NMRK1: variants seen among roughly 807,000 people sequenced by gnomAD.
NMRK1 encodes NRK 1.
Under a neutral mutation model 29.9 loss-of-function variants are expected in NMRK1, and 28 were observed. That is an observed-to-expected ratio of 0.94 (90% CI 0.69 to 1.28). The LOEUF is 1.28. Ranked by LOEUF, NMRK1 falls within the 50% of genes most tolerant of loss-of-function variation. The pLI, the probability that NMRK1 is intolerant of heterozygous loss-of-function variation, is 0.00. For missense variants in NMRK1, 218 were observed against 233.1 expected (o/e 0.94, Z 0.42); for synonymous variants, 58 against 73.0 (o/e 0.79, Z 1.05).
intron 2 of NMRK1, among the ~76,000 whole-genome samples, chr9:75,080,471 GTGAAACCCCACC>G (rs1378999591): frequency 6.6e-6 from 1 of 152,154 alleles, no homozygotes; most frequent in East Asian, 1.9e-4. Flanking sequence ...GGTCAACATG[GTGAAACCCCACC>G]TCTATTAAAA....
At chr9:75,079,586 G>A (rs1192779542) in intron 2 of NMRK1, among the ~76,000 whole-genome samples, 1 of 152,186 alleles carries the variant, frequency 6.6e-6, no homozygotes, top group Non-Finnish European at 1.5e-5. Context: ...AGATCGGCTA[G>A]AAGACAGTCT....
At position 75,077,658 on chromosome 9, in the gene NMRK1, C is replaced by T. The variant is rs1013447526; in HGVS notation, c.30-78G>A. The T allele has an allele frequency of 7.0e-6, 7 of 1,002,706 alleles. No homozygotes were observed. The African/African-American group carries it at 1.1e-4, about 16-fold the overall frequency. 62.1% of individuals were successfully genotyped at this position (1,002,706 alleles called of 1,614,324 possible). A position where few individuals can be genotyped will look rare whatever the true frequency, so the allele number is the denominator to read the frequency against. ...TAAACACTTTTTTTTTTTTGAGAGA[C>T]AGGGTCTCGCTGTGTCACCAAGGCT... On this transcript the variant is annotated intron_variant, in intron 2 of 8. Transcript: ENST00000361092.
At chr9:75,074,872 A>C (rs2118141347) in intron 4 of NMRK1, among the ~76,000 whole-genome samples, 1 of 152,316 alleles carries the variant, frequency 6.6e-6, no homozygotes, top group East Asian at 1.9e-4. Flanking sequence ...AAAATGTTCA[A>C]GTTTTTCCTT....
Position 75,069,892 on chromosome 9 carries a change from TACTTATAATTAAAA to T in NMRK1, c.306_317+2del. The T allele has an allele frequency of 1.2e-6, 2 of 1,613,064 alleles. No homozygotes were observed. The highest frequency in any genetic ancestry group is 2.2e-5 in the South Asian group (2 of 90,754). The stretch of plus-strand genomic sequence containing the variant: ...GAGACAATATTAGGGTGGAGATGCT[TACTTATAATTAAAA>T]AGAAGAAAACCTTCGATGATTAAAA... On this transcript the variant is annotated splice_donor_variant and coding_sequence_variant, in exon 5 of 9. Coordinates refer to ENST00000361092, the MANE Select transcript of NMRK1 (RefSeq NM_017881.3). LOFTEE classifies it high-confidence loss of function.
At chr9:75,086,075 C>T (rs1824611174) in intron 1 of NMRK1, among the ~76,000 whole-genome samples, 1 of 151,570 alleles carries the variant, frequency 6.6e-6, no homozygotes, top group Non-Finnish European at 1.5e-5. Flanking sequence ...TGCCTGTTGC[C>T]CCTATAAAAA....
rs1327174170 is a variant in NMRK1 at position 75,065,053 on chromosome 9, G to A, written c.580+1704C>T. On this transcript the variant is annotated intron_variant, in intron 8 of 8. Transcript: ENST00000361092. ...GGCTGTCTGTCTCCCAGGGTGGAGT[G>A]CAATGGCACATTCATGGCTCACTGC... 3.9e-5 allele frequency among the ~76,000 whole-genome samples: 6 copies of A among 152,344 alleles called. No individual in the cohort carries two copies. The South Asian group carries it at 1.0e-3, about 26-fold the overall frequency.
intron 4 of NMRK1, among the ~76,000 whole-genome samples, chr9:75,075,793 G>T (rs1388423305): frequency 6.6e-6 from 1 of 152,182 alleles, no homozygotes; most frequent in Non-Finnish European, 1.5e-5. Context: ...AAGGAAAGCT[G>T]AAAGAATGAG....
chr9:75,075,722 C>T (rs1823950498), intron 4 of NMRK1, among the ~76,000 whole-genome samples: 4 of 152,118 alleles, frequency 2.6e-5, no homozygotes, highest in Admixed American at 2.6e-4. Flanking sequence ...ATTCACAAAC[C>T]TTTCTGAACA....
At chr9:75,085,214 G>A (rs896945833) in intron 1 of NMRK1, among the ~76,000 whole-genome samples, 4 of 152,124 alleles carry the variant, frequency 2.6e-5, no homozygotes, top group African/African-American at 9.7e-5. Context: ...TCTCAAACTT[G>A]GAGAAGTATA....
intron 3 of NMRK1, 93 bp from the exon 4 acceptor site, chr9:75,077,300 T>C: frequency 1.0e-6 from 1 of 969,932 alleles, no homozygotes; most frequent in South Asian, 1.4e-5. Flanking sequence ...TAATAAATGC[T>C]TTGGATGATC....
In NMRK1 at chr9:75,083,086, C is replaced by A; in HGVS notation, c.29+1G>T. On this transcript the variant is annotated splice_donor_variant, in intron 2 of 8. Coordinates refer to ENST00000361092, the MANE Select transcript of NMRK1 (RefSeq NM_017881.3). LOFTEE classifies it high-confidence loss of function. Reference sequence around the variant, plus strand: ...GAGCTGTTTGTAGCAAAATTACTCACCCACTGATTCCAATGATAAATGTTT... The same window carrying A: ...GAGCTGTTTGTAGCAAAATTACTCAACCACTGATTCCAATGATAAATGTTT... The A allele has an allele frequency of 6.3e-7, 1 of 1,596,160 alleles. No individual in the cohort carries two copies. The highest frequency in any genetic ancestry group is 8.6e-7 in the Non-Finnish European group (1 of 1,163,570).
intron 8 of NMRK1, among the ~76,000 whole-genome samples, chr9:75,063,721 T>C (rs536930315): frequency 6.6e-6 from 1 of 152,264 alleles, no homozygotes; most frequent in Non-Finnish European, 1.5e-5. Context: ...TGAAGATTAG[T>C]CACTAGAAAC....
chr9:75,084,147 G>A (rs1824482281), intron 1 of NMRK1, among the ~76,000 whole-genome samples: 1 of 152,222 alleles, frequency 6.6e-6, no homozygotes, highest in Non-Finnish European at 1.5e-5. Context: ...GTGAAAAGGT[G>A]AAGCACAGCT....
chr9:75,086,890 C>T (rs1250726761), intron 1 of NMRK1, among the ~76,000 whole-genome samples: 1 of 149,420 alleles, frequency 6.7e-6, no homozygotes, highest in Non-Finnish European at 1.5e-5. Flanking sequence ...TTTTGGTAAA[C>T]AAATCCCTCA....
chr9:75,070,907 A>G (rs1367906363), intron 4 of NMRK1, among the ~76,000 whole-genome samples: 1 of 151,902 alleles, frequency 6.6e-6, no homozygotes, highest in Non-Finnish European at 1.5e-5. Context: ...ATATCCTTTT[A>G]TCTCTTTAAT....
At chr9:75,086,614 A>G (rs1212583846) in intron 1 of NMRK1, among the ~76,000 whole-genome samples, 1 of 152,220 alleles carries the variant, frequency 6.6e-6, no homozygotes, top group African/African-American at 2.4e-5. Flanking sequence ...TTTGGATTCT[A>G]AACTGCAGAA....
chr9:75,077,656 G>C, intron 2 of NMRK1, 76 bp from the exon 3 acceptor site: 1 of 1,034,020 alleles, frequency 9.7e-7, no homozygotes, highest in Non-Finnish European at 1.5e-6. Flanking sequence ...TTTTTTGAGA[G>C]ACAGGGTCTC....
rs576687883 is a variant in NMRK1, at chr9:75,063,836, A to G, written c.581-2269T>C. On this transcript the variant is annotated intron_variant, in intron 8 of 8. Transcript: ENST00000361092. ...AGCTTTGCCAGGATACTGTGGATGG[A>G]AGAAATAGGAAAGGTGATAGGTTAC... Among the ~76,000 whole-genome samples the G allele has an allele frequency of 3.9e-5, 6 of 152,314 alleles. No homozygotes were observed. The East Asian group carries it at 5.8e-4, about 15-fold the overall frequency.
At chr9:75,083,023 A>G in intron 2 of NMRK1, 64 bp downstream of exon 2, 2 of 1,193,252 alleles carry the variant, frequency 1.7e-6, no homozygotes, top group Non-Finnish European at 2.5e-6. Context: ...CACTCCATCC[A>G]CACAGAAACA....
Sources: gnomAD v4.1 joint callset for allele counts (sites outside exome capture counted in the v4.1 genomes callset) on GRCh38, gnomAD v4.1.1 for gene constraint, MANE v1.5 for transcripts, NCBI Gene and HGNC (gene_info 2026-07-23, HGNC 2026-07-21) for gene names.